Variants in ARHGEF3 observed in about 807,000 individuals in gnomAD.
The protein encoded by ARHGEF3 is Rho guanine nucleotide exchange factor 3.
In ARHGEF3, 28 loss-of-function variants were observed where a neutral mutation model predicts 63.2. The ratio of observed to expected loss-of-function variants is 0.44; its 90% CI spans 0.33 to 0.61. ARHGEF3 has a LOEUF of 0.61. Ranked by LOEUF, ARHGEF3 falls within the 20% of genes least tolerant of loss-of-function variation. The probability of loss-of-function intolerance (pLI) is 0.03; values close to 1 mark genes in which losing one functional copy is unlikely to be tolerated. For missense variants in ARHGEF3, 533 were observed against 659.3 expected (o/e 0.81, Z 2.10); for synonymous variants, 266 against 254.2 (o/e 1.05, Z -0.44).
At chr3:56,741,411 T>C (rs2107718176) in intron 7 of ARHGEF3, among the ~76,000 whole-genome samples, 1 of 151,634 alleles carries the variant, frequency 6.6e-6, no homozygotes, top group East Asian at 1.9e-4. Context: ...CTCGAACTCC[T>C]GACCTCAGGT....
upstream of ARHGEF3, among the ~76,000 whole-genome samples, chr3:56,802,547 C>G (rs1342392424): frequency 6.6e-6 from 1 of 152,192 alleles, no homozygotes. Flanking sequence ...TAACCACCTC[C>G]ACAGTCGGTA....
intron 4 of ARHGEF3, among the ~76,000 whole-genome samples, chr3:56,821,592 C>T (rs2038496071): frequency 6.6e-6 from 1 of 152,152 alleles, no homozygotes; most frequent in African/African-American, 2.4e-5. Flanking sequence ...ACTGTGATAT[C>T]TAGAGATGTC....
chr3:57,050,098 C>T (rs1704610548), intron 1 of ARHGEF3, among the ~76,000 whole-genome samples: 1 of 152,166 alleles, frequency 6.6e-6, no homozygotes, highest in African/African-American at 2.4e-5. Context: ...TCTCATCTTA[C>T]CCTGTAGGTC....
chr3:56,901,429 CAT>C (rs889385515), intron 3 of ARHGEF3, among the ~76,000 whole-genome samples: 3 of 146,532 alleles, frequency 2.0e-5, no homozygotes, highest in African/African-American at 7.4e-5. Context: ...CGTATATGTA[CAT>C]ATATATACAT....
intron 2 of ARHGEF3, among the ~76,000 whole-genome samples, chr3:56,965,152 G>A: frequency 6.6e-6 from 1 of 152,148 alleles, no homozygotes; most frequent in East Asian, 1.9e-4. Context: ...CTACTCAGCA[G>A]GCTGAGGTGG....
intron 4 of ARHGEF3, among the ~76,000 whole-genome samples, chr3:56,818,173 T>C (rs1015769179): frequency 2.6e-5 from 4 of 152,210 alleles, no homozygotes; most frequent in African/African-American, 9.6e-5. Flanking sequence ...AACACATTTG[T>C]TACCAAACAG....
intron 8 of ARHGEF3, among the ~76,000 whole-genome samples, chr3:56,732,955 C>A (rs762929548): frequency 6.6e-6 from 1 of 151,932 alleles, no homozygotes; most frequent in Non-Finnish European, 1.5e-5. Context: ...CAAGACTAGG[C>A]TGGCCAACAT....
intron 2 of ARHGEF3, among the ~76,000 whole-genome samples, chr3:57,005,493 T>C (rs1377163828): frequency 6.6e-6 from 1 of 152,176 alleles, no homozygotes; most frequent in Non-Finnish European, 1.5e-5. Context: ...GTGTTGCCAA[T>C]GAGAACTGGA....
intron 1 of ARHGEF3, 30 bp from the exon 2 acceptor site, chr3:56,773,846 ATGTC>A: frequency 1.3e-6 from 2 of 1,529,152 alleles, no homozygotes; most frequent in Non-Finnish European, 1.8e-6. Flanking sequence ...AAAAAGTAAA[ATGTC>A]AAGGTCAATT....
At chr3:56,751,237 C>T in intron 5 of ARHGEF3, 63 bp downstream of exon 5, 1 of 1,546,064 alleles carries the variant, frequency 6.5e-7, no homozygotes. Flanking sequence ...TAATCACTCA[C>T]TCATTATAAG....
At chr3:56,904,187 GC>G (rs1312434471) in intron 3 of ARHGEF3, among the ~76,000 whole-genome samples, 4 of 152,046 alleles carry the variant, frequency 2.6e-5, no homozygotes, top group Non-Finnish European at 5.9e-5. Context: ...GTGCCACCAT[GC>G]CCAGCTAACT....
chr3:57,059,054 A>C (rs1253261076), intron 1 of ARHGEF3, among the ~76,000 whole-genome samples: 2 of 151,296 alleles, frequency 1.3e-5, no homozygotes, highest in South Asian at 2.1e-4. Flanking sequence ...TGATGAGTTA[A>C]TGGGTGCAGC....
At chr3:56,730,140 T>C (rs1445239442) in intron 9 of ARHGEF3, among the ~76,000 whole-genome samples, 2 of 152,230 alleles carry the variant, frequency 1.3e-5, no homozygotes, top group African/African-American at 2.4e-5. Context: ...CGTTTCATAA[T>C]CTGTAATTTC....
chr3:56,760,895 C>T (rs914780658), intron 2 of ARHGEF3, among the ~76,000 whole-genome samples: 15 of 152,128 alleles, frequency 9.9e-5, no homozygotes, highest in Admixed American at 6.5e-4. Flanking sequence ...TTTAATTAGG[C>T]TGGATTAAAA....
intron 2 of ARHGEF3, among the ~76,000 whole-genome samples, chr3:57,010,391 G>T (rs1702645056): frequency 6.7e-6 from 1 of 149,754 alleles, no homozygotes; most frequent in Non-Finnish European, 1.5e-5. Flanking sequence ...AGGAGGCAGA[G>T]CTTGCAGTGA....
chr3:57,033,238 C>T (rs772656146), intron 2 of ARHGEF3, among the ~76,000 whole-genome samples: 2 of 152,036 alleles, frequency 1.3e-5, no homozygotes, highest in South Asian at 2.1e-4. Flanking sequence ...AACTCTAATC[C>T]GCGGCAACCT....
At chr3:57,036,821 C>CTTTTTGT (rs1290092555) in intron 1 of ARHGEF3, among the ~76,000 whole-genome samples, 1 of 152,228 alleles carries the variant, frequency 6.6e-6, no homozygotes, top group Non-Finnish European at 1.5e-5. Flanking sequence ...GCATCCACTA[C>CTTTTTGT]TTTGATTACT....
At chr3:56,948,585 G>A (rs964686235) in intron 3 of ARHGEF3, among the ~76,000 whole-genome samples, 4 of 152,174 alleles carry the variant, frequency 2.6e-5, no homozygotes, top group African/African-American at 9.7e-5. Context: ...CCAGGAAGCA[G>A]TTGAATCTCT....
intron 4 of ARHGEF3, among the ~76,000 whole-genome samples, chr3:56,869,297 G>A (rs943919841): frequency 5.9e-5 from 9 of 152,136 alleles, no homozygotes; most frequent in Admixed American, 1.3e-4. Context: ...AGATAAGCCC[G>A]TGATTTCGTT....
Sources: allele counts gnomAD v4.1 joint callset (sites outside exome capture counted in the v4.1 genomes callset), GRCh38; gene constraint gnomAD v4.1.1; transcripts MANE v1.5; gene names NCBI Gene and HGNC (gene_info 2026-07-23, HGNC 2026-07-21).